The following TRABD2B variants were observed in gnomAD, a reference collection of about 807,000 sequenced individuals.
TRABD2B encodes the protein metalloprotease TIKI2.
TRABD2B carries 14 observed loss-of-function variants against 40.1 expected under a neutral mutation model. That is an observed-to-expected ratio of 0.35 (90% CI 0.23 to 0.55). The LOEUF (loss-of-function observed/expected upper bound fraction) is 0.55, where lower values mean the gene tolerates loss of function less well. TRABD2B is among the 20% of genes least tolerant of loss of function. The probability of loss-of-function intolerance (pLI) is 0.90; values close to 1 mark genes in which losing one functional copy is unlikely to be tolerated. For missense variants in TRABD2B, 541 were observed against 648.6 expected (o/e 0.83, Z 1.80); for synonymous variants, 263 against 277.0 (o/e 0.95, Z 0.50).
chr1:47,841,790 T>C (rs1216841788), intron 2 of TRABD2B, among the ~76,000 whole-genome samples: 1 of 150,118 alleles, frequency 6.7e-6, no homozygotes. Context: ...CTTTTTCTTT[T>C]TTTTTTTTTT....
At chr1:47,956,476 T>C (rs1291796614) in intron 2 of TRABD2B, among the ~76,000 whole-genome samples, 1 of 152,268 alleles carries the variant, frequency 6.6e-6, no homozygotes, top group East Asian at 1.9e-4. Context: ...CCGTGACAGA[T>C]GGTACCTGCA....
intron 2 of TRABD2B, among the ~76,000 whole-genome samples, chr1:47,919,636 G>A (rs1644876200): frequency 6.6e-6 from 1 of 152,236 alleles, no homozygotes; most frequent in Non-Finnish European, 1.5e-5. Flanking sequence ...CAGTTTGTGA[G>A]GACCATCTAG....
chr1:47,994,568 C>T lies in TRABD2B; in HGVS notation c.132G>A (p.Thr44=). 5.2e-6 allele frequency: 8 copies of T among 1,535,814 alleles called. No individual in the cohort carries two copies. The highest frequency in any genetic ancestry group is 2.0e-5 in the Admixed American group (1 of 51,002). Residue 44 remains threonine, a synonymous_variant, in exon 2 of 7, where the codon ACG becomes ACA. Coordinates refer to ENST00000606738, the MANE Select transcript of TRABD2B (RefSeq NM_001194986.2). This position sits in a 1 kb window ranked among gnomAD's most constrained non-coding sequence, Gnocchi z 6.7. ...GGTAGGCCGGAGGATCACGCCGAATCGTCCACAGGAAGGAGTTCAAGTCCC... is the reference window on the plus strand; with the variant it reads ...GGTAGGCCGGAGGATCACGCCGAATTGTCCACAGGAAGGAGTTCAAGTCCC... ...SQRDLNSFLW[T]IRRDPPAYLF...
intron 2 of TRABD2B, among the ~76,000 whole-genome samples, chr1:47,910,428 G>A (rs538919573): frequency 6.6e-6 from 1 of 152,206 alleles, no homozygotes; most frequent in East Asian, 1.9e-4. Flanking sequence ...TGTCCAGGAT[G>A]GTCTGCTCAT....
intron 2 of TRABD2B, among the ~76,000 whole-genome samples, chr1:47,925,737 C>T (rs1449355897): frequency 6.6e-6 from 1 of 152,174 alleles, no homozygotes; most frequent in Non-Finnish European, 1.5e-5. Flanking sequence ...TTACTACATG[C>T]CAAGCATAGG....
At chr1:47,910,732 A>G (rs1038613189) in intron 2 of TRABD2B, among the ~76,000 whole-genome samples, 2 of 152,196 alleles carry the variant, frequency 1.3e-5, no homozygotes, top group Non-Finnish European at 1.5e-5. Flanking sequence ...TATAAAACAG[A>G]GGTAAAATAC....
chr1:47,833,594 A>G (rs1645278629), intron 2 of TRABD2B, among the ~76,000 whole-genome samples: 1 of 152,204 alleles, frequency 6.6e-6, no homozygotes, highest in Non-Finnish European at 1.5e-5. Context: ...CACTGCCTCT[A>G]GTAACATTTA....
At chr1:47,841,697 G>A (rs767055143) in intron 2 of TRABD2B, among the ~76,000 whole-genome samples, 9 of 152,140 alleles carry the variant, frequency 5.9e-5, no homozygotes, top group Non-Finnish European at 1.2e-4. Flanking sequence ...AGGAAAGGCA[G>A]GTTCCCAGAG....
chr1:47,869,192 T>TAC (rs1644105216), intron 2 of TRABD2B, among the ~76,000 whole-genome samples: 1 of 152,232 alleles, frequency 6.6e-6, no homozygotes. Flanking sequence ...ATTCCATTCA[T>TAC]ACACATACAT....
At chr1:47,934,442 T>C (rs1355053469) in intron 2 of TRABD2B, among the ~76,000 whole-genome samples, 6 of 152,212 alleles carry the variant, frequency 3.9e-5, no homozygotes, top group African/African-American at 1.4e-4. Context: ...CACAGACGTC[T>C]GGGGGCAGAG....
intron 3 of TRABD2B, among the ~76,000 whole-genome samples, chr1:47,798,008 T>C (rs1486641761): frequency 1.3e-5 from 2 of 152,126 alleles, no homozygotes; most frequent in Non-Finnish European, 2.9e-5. Context: ...ACCCCTTCCC[T>C]GTAGCCCATC....
chr1:47,858,182 T>C (rs1190852623), intron 2 of TRABD2B, among the ~76,000 whole-genome samples: 1 of 151,850 alleles, frequency 6.6e-6, no homozygotes, highest in Non-Finnish European at 1.5e-5. Context: ...GCAACTACAA[T>C]AGTCATTCAT....
At chr1:47,877,348 C>G (rs754682890) in intron 2 of TRABD2B, among the ~76,000 whole-genome samples, 3 of 151,996 alleles carry the variant, frequency 2.0e-5, no homozygotes, top group Non-Finnish European at 2.9e-5. Context: ...AGTGGCCAAG[C>G]AGGGGATGGT....
In TRABD2B at chr1:47,778,540, G is replaced by A; in HGVS notation, c.993C>T (p.His331=). Residue 331 remains histidine, a synonymous_variant, in exon 5 of 7, where the codon CAC becomes CAT. Transcript: ENST00000606738. ...KICFFAFGAG[H]FLGNNTVIDI... ...CGATGACTGTGTTGTTCCCCAGAAA[G>A]TGACCTGGAACACAAGTGACAAAAG... 6.5e-7 allele frequency: 1 copy of A among 1,536,020 alleles called. No individual in the cohort carries two copies. The highest frequency in any genetic ancestry group is 8.7e-7 in the Non-Finnish European group (1 of 1,146,774).
chr1:47,987,039 T>G (rs1179713272), intron 2 of TRABD2B, among the ~76,000 whole-genome samples: 3 of 152,206 alleles, frequency 2.0e-5, no homozygotes, highest in Non-Finnish European at 2.9e-5. Context: ...GCATTCTTGT[T>G]TCCTCCCTAG....
intron 2 of TRABD2B, among the ~76,000 whole-genome samples, chr1:47,926,479 T>C (rs775085028): frequency 6.6e-6 from 1 of 152,144 alleles, no homozygotes; most frequent in Non-Finnish European, 1.5e-5. Flanking sequence ...TCAACCCTAC[T>C]TGATCTGCCA....
In TRABD2B at chr1:47,775,400, G is replaced by A; in HGVS notation, c.1119C>T (p.Thr373=). The A allele has an allele frequency of 8.1e-7, 1 of 1,236,710 alleles. No individual in the cohort carries two copies. 76.6% of individuals were successfully genotyped at this position (1,236,710 alleles called of 1,614,324 possible). ...GGGTCACTGGGGCCGGGCTCGTCGA[G>A]GTCCCCTCAGGAGAGGGCGCTGGGC... ...PQSPAPSPEG[T]STSPAPVTPA... The change falls in exon 6 of 7, where the codon ACC becomes ACT. Residue 373 remains threonine, a synonymous_variant. Coordinates refer to ENST00000606738, the MANE Select transcript of TRABD2B (RefSeq NM_001194986.2).
chr1:47,844,766 C>T (rs1269511362), intron 2 of TRABD2B, among the ~76,000 whole-genome samples: 1 of 152,150 alleles, frequency 6.6e-6, no homozygotes, highest in Non-Finnish European at 1.5e-5. Context: ...GAATTACAGG[C>T]AGTGAAAGCA....
chr1:47,947,603 G>C (rs1645277239), intron 2 of TRABD2B, among the ~76,000 whole-genome samples: 1 of 152,120 alleles, frequency 6.6e-6, no homozygotes, highest in Admixed American at 6.5e-5. Context: ...CATGGTTGGA[G>C]GAGTTCGGGC....
Sources: allele counts gnomAD v4.1 joint callset (sites outside exome capture counted in the v4.1 genomes callset), GRCh38; gene constraint gnomAD v4.1.1; non-coding constraint Gnocchi (gnomAD v3.1); transcripts MANE v1.5; gene names NCBI Gene and HGNC (gene_info 2026-07-23, HGNC 2026-07-21).